GUCY1A2: variants seen among roughly 807,000 people sequenced by gnomAD.
GUCY1A2 encodes the protein guanylate cyclase 1 soluble subunit alpha 2.
In GUCY1A2, 27 loss-of-function variants were observed where a neutral mutation model predicts 63.5. The ratio of observed to expected loss-of-function variants is 0.43; its 90% CI spans 0.31 to 0.59. The LOEUF (loss-of-function observed/expected upper bound fraction) is 0.59. Among genes scored for constraint, GUCY1A2 ranks in the 20% least tolerant of loss-of-function variants. The pLI is 0.11. For synonymous variants in GUCY1A2, 364 were observed against 343.5 expected (o/e 1.06, Z -0.66); for missense variants, 768 against 913.3 (o/e 0.84, Z 2.05).
chr11:106,846,859 AC>A (rs1331661277), intron 4 of GUCY1A2, among the ~76,000 whole-genome samples: 2 of 151,660 alleles, frequency 1.3e-5, no homozygotes, highest in Admixed American at 1.3e-4. Flanking sequence ...TAGAAATGGC[AC>A]ACCATGTATC....
intron 4 of GUCY1A2, among the ~76,000 whole-genome samples, chr11:106,855,893 TTTTATTTATTTA>T (rs200600627): frequency 3.7e-4 from 35 of 94,430 alleles, no homozygotes; most frequent in African/African-American, 4.2e-4. Context: ...GTCTCTTGTA[TTTTATTTATTTA>T]TTTATTTATT....
chr11:106,962,375 C>A (rs972038604), intron 3 of GUCY1A2, among the ~76,000 whole-genome samples: 1 of 126,206 alleles, frequency 7.9e-6, no homozygotes, highest in Non-Finnish European at 1.6e-5. Context: ...CATGGTGAAA[C>A]CCCATCTCCA....
At chr11:106,897,299 C>T (rs1860064032) in intron 4 of GUCY1A2, among the ~76,000 whole-genome samples, 1 of 152,076 alleles carries the variant, frequency 6.6e-6, no homozygotes. Flanking sequence ...TCAATGAAAT[C>T]TCTGTTAAAA....
intron 3 of GUCY1A2, among the ~76,000 whole-genome samples, chr11:106,977,401 A>G (rs534926960): frequency 6.6e-6 from 1 of 152,284 alleles, no homozygotes; most frequent in African/African-American, 2.4e-5. Context: ...AAGGTGATGA[A>G]TCTTTGGCCT....
chr11:106,717,678 A>G (rs751962275), intron 6 of GUCY1A2, among the ~76,000 whole-genome samples: 25 of 152,222 alleles, frequency 1.6e-4, no homozygotes, highest in Non-Finnish European at 2.4e-4. Flanking sequence ...TAGACTTTGG[A>G]AAAGTCTTTA....
intron 4 of GUCY1A2, among the ~76,000 whole-genome samples, chr11:106,849,262 A>G (rs1451712842): frequency 6.6e-6 from 1 of 151,428 alleles, no homozygotes; most frequent in Non-Finnish European, 1.5e-5. Flanking sequence ...TTAGGTCTTT[A>G]GGAAACTTTA....
At chr11:106,950,063 G>A (rs1270221516) in intron 3 of GUCY1A2, among the ~76,000 whole-genome samples, 1 of 152,146 alleles carries the variant, frequency 6.6e-6, no homozygotes, top group African/African-American at 2.4e-5. Context: ...ACAAGCTTGG[G>A]CAAGTTATGC....
chr11:106,949,589 T>C (rs1384934779), intron 3 of GUCY1A2, among the ~76,000 whole-genome samples: 1 of 152,168 alleles, frequency 6.6e-6, no homozygotes, highest in African/African-American at 2.4e-5. Context: ...TGTCTCTACT[T>C]GTTAGGCTTC....
At chr11:106,849,743 A>T (rs184301659) in intron 4 of GUCY1A2, among the ~76,000 whole-genome samples, 2 of 151,758 alleles carry the variant, frequency 1.3e-5, no homozygotes, top group Admixed American at 6.6e-5. Flanking sequence ...AACCTACCTG[A>T]AAATTTCAGC....
chr11:106,713,496 C>CTTTTTTTTTTTTTTT (rs143909145), intron 6 of GUCY1A2, among the ~76,000 whole-genome samples: 1 of 78,394 alleles, frequency 1.3e-5, no homozygotes, highest in African/African-American at 5.6e-5. Flanking sequence ...TAGTATGTTT[C>CTTTTTTTTTTTTTTT]TTTTTTTTTT....
chr11:106,741,680 G>A (rs1274574856), intron 6 of GUCY1A2, among the ~76,000 whole-genome samples: 2 of 152,170 alleles, frequency 1.3e-5, no homozygotes, highest in South Asian at 2.1e-4. Flanking sequence ...TAACAAAAGT[G>A]TGGTGATTCT....
intron 3 of GUCY1A2, among the ~76,000 whole-genome samples, chr11:106,960,135 T>C (rs1457237550): frequency 2.6e-5 from 4 of 152,250 alleles, no homozygotes; most frequent in Non-Finnish European, 5.9e-5. Context: ...TCTTTCCTTA[T>C]AGTTGGACTG....
intron 3 of GUCY1A2, among the ~76,000 whole-genome samples, chr11:106,949,280 G>A (rs1440944341): frequency 6.6e-6 from 1 of 152,004 alleles, no homozygotes; most frequent in African/African-American, 2.4e-5. Flanking sequence ...AAATCAGCAA[G>A]GCTTAGTCCA....
chr11:106,736,900 T>A (rs947671725), intron 6 of GUCY1A2, among the ~76,000 whole-genome samples: 2 of 152,136 alleles, frequency 1.3e-5, no homozygotes, highest in East Asian at 3.9e-4. Flanking sequence ...TTGTTTCTGA[T>A]GATCAGGTGC....
At chr11:106,844,487 C>G (rs1479855469) in intron 4 of GUCY1A2, among the ~76,000 whole-genome samples, 2 of 151,704 alleles carry the variant, frequency 1.3e-5, no homozygotes, top group East Asian at 1.9e-4. Flanking sequence ...AAACCTTACT[C>G]TGATCTGAAG....
chr11:106,927,372 C>CA (rs907296650), intron 4 of GUCY1A2, among the ~76,000 whole-genome samples: 78 of 141,356 alleles, frequency 5.5e-4, no homozygotes, highest in African/African-American at 7.5e-4. Context: ...GACTCCGTCT[C>CA]AAAAAAAAAA....
chr11:106,690,750 A>G (rs548869883), intron 7 of GUCY1A2, among the ~76,000 whole-genome samples: 1 of 152,188 alleles, frequency 6.6e-6, no homozygotes, highest in Non-Finnish European at 1.5e-5. Context: ...GAGGGTGAAA[A>G]TGAGTTCAGA....
intron 7 of GUCY1A2, among the ~76,000 whole-genome samples, chr11:106,698,637 T>C (rs1862764869): frequency 1.3e-5 from 2 of 152,192 alleles, no homozygotes; most frequent in South Asian, 4.1e-4. Context: ...TTAACAATGG[T>C]ATATTACTAT....
rs185334971 is a variant in GUCY1A2, at chr11:106,712,025, T to C, written c.1837-3359A>G. ...TATGATTTACCTTGATGTTTTTTTCTTGTGTTTTGGGTTTGTTGAGCTCTT... is the reference window on the plus strand; with the variant it reads ...TATGATTTACCTTGATGTTTTTTTCCTGTGTTTTGGGTTTGTTGAGCTCTT... On this transcript the variant is annotated intron_variant, in intron 6 of 7. Coordinates refer to ENST00000526355, the MANE Select transcript of GUCY1A2 (RefSeq NM_000855.3). 2.0e-3 allele frequency among the ~76,000 whole-genome samples: 306 copies of C among 152,202 alleles called. 1 individual carries two copies. Among genetic ancestry groups the C allele is most frequent in the Non-Finnish European group, 3.8e-3 (256 of 67,988 alleles).
Sources: gnomAD v4.1 joint callset for allele counts (sites outside exome capture counted in the v4.1 genomes callset) on GRCh38, gnomAD v4.1.1 for gene constraint, MANE v1.5 for transcripts, NCBI Gene and HGNC (gene_info 2026-07-23, HGNC 2026-07-21) for gene names.